Variants in SOX5 observed in about 807,000 individuals in gnomAD.
The protein encoded by SOX5 is SRY-box transcription factor 5.
In SOX5, 9 loss-of-function variants were observed where a neutral mutation model predicts 92.0. That is an observed-to-expected ratio of 0.10 (90% CI 0.06 to 0.17). SOX5 has a LOEUF of 0.17. Among genes scored for constraint, SOX5 ranks in the 10% least tolerant of loss-of-function variants. The pLI is 1.00. For synonymous variants in SOX5, 344 were observed against 336.3 expected (o/e 1.02, Z -0.25); for missense variants, 642 against 944.5 (o/e 0.68, Z 4.20).
intron 4 of SOX5, among the ~76,000 whole-genome samples, chr12:24,094,637 G>A (rs979642455): frequency 1.3e-5 from 2 of 151,904 alleles, no homozygotes; most frequent in Non-Finnish European, 2.9e-5. Context: ...TAAGGTTTTT[G>A]AGCCACCTGG....
chr12:23,588,889 C>T (rs1951125386), intron 9 of SOX5, among the ~76,000 whole-genome samples: 1 of 151,910 alleles, frequency 6.6e-6, no homozygotes, highest in South Asian at 2.1e-4. Context: ...TGTTTAGATA[C>T]ACAAATACCA....
intron 1 of SOX5, among the ~76,000 whole-genome samples, chr12:24,529,490 A>G (rs1032397746): frequency 3.3e-5 from 5 of 152,224 alleles, no homozygotes; most frequent in African/African-American, 1.2e-4. Context: ...TATACACATC[A>G]TCCCACAGGC....
chr12:24,535,948 A>G (rs1951606118), intron 1 of SOX5, among the ~76,000 whole-genome samples: 1 of 152,116 alleles, frequency 6.6e-6, no homozygotes, highest in South Asian at 2.1e-4. Context: ...AATCACAGAA[A>G]GTCTCTCAGT....
At chr12:24,536,971 C>T (rs1951695651) in intron 1 of SOX5, among the ~76,000 whole-genome samples, 1 of 152,144 alleles carries the variant, frequency 6.6e-6, no homozygotes, top group South Asian at 2.1e-4. Context: ...TCATGCCACA[C>T]AATAATATTA....
intron 1 of SOX5, among the ~76,000 whole-genome samples, chr12:24,428,303 C>T (rs1187550360): frequency 4.6e-5 from 7 of 151,850 alleles, no homozygotes; most frequent in Admixed American, 2.0e-4. Context: ...TGCACTCTTT[C>T]AATTGCTCTT....
At chr12:24,378,620 T>C (rs1957522114) in intron 1 of SOX5, among the ~76,000 whole-genome samples, 1 of 152,226 alleles carries the variant, frequency 6.6e-6, no homozygotes, top group Admixed American at 6.5e-5. Context: ...ACTCCTATTT[T>C]GAGCTGTGAT....
upstream of SOX5, chr12:23,949,725 TCCCTCC>T (rs1188989967): frequency 2.5e-5 from 26 of 1,030,300 alleles, no homozygotes; most frequent in Non-Finnish European, 3.1e-5. Flanking sequence ...CCCCCCTCCC[TCCCTCC>T]CTCTCTCTCT....
chr12:23,967,307 T>C (rs1239219890), intron 4 of SOX5, among the ~76,000 whole-genome samples: 1 of 152,044 alleles, frequency 6.6e-6, no homozygotes, highest in East Asian at 1.9e-4. Flanking sequence ...AAAAGTCAAT[T>C]GAAACTGAGC....
intron 4 of SOX5, among the ~76,000 whole-genome samples, chr12:23,996,880 C>T (rs1951080947): frequency 6.6e-6 from 1 of 152,092 alleles, no homozygotes; most frequent in Non-Finnish European, 1.5e-5. Context: ...GGTGATGAAA[C>T]TATTTCGGAA....
At chr12:23,658,372 C>A (rs2082585145) in intron 7 of SOX5, among the ~76,000 whole-genome samples, 1 of 152,282 alleles carries the variant, frequency 6.6e-6, no homozygotes, top group Non-Finnish European at 1.5e-5. Context: ...GAACCCAGTT[C>A]TCTTTATTTT....
chr12:24,225,698 G>A (rs1025523000), intron 3 of SOX5, among the ~76,000 whole-genome samples: 1 of 152,144 alleles, frequency 6.6e-6, no homozygotes, highest in East Asian at 1.9e-4. Flanking sequence ...TAGGAAGCAA[G>A]TAATATTTCC....
chr12:23,678,881 C>T (rs560713633), intron 6 of SOX5, among the ~76,000 whole-genome samples: 32 of 151,942 alleles, frequency 2.1e-4, no homozygotes, highest in East Asian at 3.9e-4. Flanking sequence ...ATAAATCTTA[C>T]GTATCAAAAT....
chr12:23,588,182 A>G (rs2137054377), intron 9 of SOX5, among the ~76,000 whole-genome samples: 1 of 152,164 alleles, frequency 6.6e-6, no homozygotes, highest in South Asian at 2.1e-4. Flanking sequence ...TAGCTTGATG[A>G]TATATTCTGC....
chr12:23,668,185 C>T (rs777203227), intron 6 of SOX5, among the ~76,000 whole-genome samples: 2 of 152,066 alleles, frequency 1.3e-5, no homozygotes, highest in Non-Finnish European at 2.9e-5. Context: ...CTGTTGGCTG[C>T]GAATTCAATG....
At chr12:23,615,134 TTAATTA>T (rs1254500294) in intron 8 of SOX5, among the ~76,000 whole-genome samples, 35 of 152,284 alleles carry the variant, frequency 2.3e-4, no homozygotes, top group South Asian at 1.5e-3. Flanking sequence ...TATTGTCTTT[TTAATTA>T]TAACTATTTT....
At position 24,346,458 on chromosome 12, in the gene SOX5, T is replaced by C. The variant is rs543396758; in HGVS notation, c.-174+22105A>G. 5.8e-3 allele frequency among the ~76,000 whole-genome samples: 878 copies of C among 151,676 alleles called. 8 individuals carry two copies. The highest frequency in any genetic ancestry group is 0.02 in the African/African-American group (832 of 41,378). On this transcript the variant is annotated intron_variant, in intron 2 of 4. Transcript: ENST00000446891. Reference sequence around the variant, plus strand: ...AATACTTTATTTTTGGAGTACTTTTTTTTTTTTTTTTGAGATGGAGTCTCA... The same window carrying C: ...AATACTTTATTTTTGGAGTACTTTTCTTTTTTTTTTTGAGATGGAGTCTCA...
intron 1 of SOX5, among the ~76,000 whole-genome samples, chr12:24,392,174 G>T (rs1418740483): frequency 6.6e-6 from 1 of 152,070 alleles, no homozygotes; most frequent in Non-Finnish European, 1.5e-5. Context: ...CAAGCTTAAA[G>T]TCCCTCTCAC....
chr12:24,491,112 G>A (rs1947027039), intron 1 of SOX5, among the ~76,000 whole-genome samples: 2 of 152,192 alleles, frequency 1.3e-5, no homozygotes, highest in South Asian at 4.2e-4. Context: ...GTGGCTGCCT[G>A]GGTGGTAGCC....
intron 3 of SOX5, among the ~76,000 whole-genome samples, chr12:24,214,383 C>A (rs1487538418): frequency 6.6e-6 from 1 of 152,054 alleles, no homozygotes; most frequent in Non-Finnish European, 1.5e-5. Flanking sequence ...TACAAAATGG[C>A]TTCATAAGCT....
Sources: gnomAD v4.1 joint callset for allele counts (sites outside exome capture counted in the v4.1 genomes callset) on GRCh38, gnomAD v4.1.1 for gene constraint, MANE v1.5 for transcripts, NCBI Gene and HGNC (gene_info 2026-07-23, HGNC 2026-07-21) for gene names.